NCF4: variants seen among roughly 807,000 people sequenced by gnomAD.
The protein encoded by NCF4 is neutrophil cytosol factor 4.
In NCF4, 30 loss-of-function variants were observed where a neutral mutation model predicts 41.7. The ratio of observed to expected loss-of-function variants is 0.72; its 90% CI spans 0.54 to 0.97. The LOEUF (loss-of-function observed/expected upper bound fraction) is 0.97, where lower values mean the gene tolerates loss of function less well. NCF4 is among the 50% of genes least tolerant of loss of function. NCF4 has a pLI of 0.00. For synonymous variants in NCF4, 195 were observed against 175.8 expected (o/e 1.11, Z -0.87); for missense variants, 432 against 460.9 (o/e 0.94, Z 0.57).
intron 5 of NCF4, 105 bp from the exon 6 acceptor site, chr22:36,871,547 C>T: frequency 2.3e-6 from 3 of 1,299,222 alleles, no homozygotes; most frequent in South Asian, 1.3e-5. Context: ...CTTCTGTCTC[C>T]TCTGCCTTCC....
Position 36,874,842 on chromosome 22 carries a change from G to T in NCF4, c.628-811G>T, listed in dbSNP as rs73887033. Among the ~76,000 whole-genome samples the T allele has an allele frequency of 8.3e-3, 1,267 of 152,192 alleles. 23 individuals carry two copies. The highest frequency in any genetic ancestry group is 0.029 in the African/African-American group (1,211 of 41,506). ...ACAGTTGTATCTGATGAATGAATGAGTGAGTGAGCGGGATCAGCAGCAGGC... is the reference window on the plus strand; with the variant it reads ...ACAGTTGTATCTGATGAATGAATGATTGAGTGAGCGGGATCAGCAGCAGGC... On this transcript the variant is annotated intron_variant, in intron 7 of 9. Coordinates refer to ENST00000248899, the MANE Select transcript of NCF4 (RefSeq NM_000631.5).
At chr22:36,870,219 A>G in intron 4 of NCF4, 196 bp from the exon 5 acceptor site, 1 of 758,884 alleles carries the variant, frequency 1.3e-6, no homozygotes. Context: ...TGGACCCAGG[A>G]GCAGAGCTTG....
Position 36,864,992 on chromosome 22 carries a change from C to T in NCF4, c.191C>T (p.Ala64Val), listed in dbSNP as rs1422534773. Residue 64 changes from alanine to valine, a missense_variant, in exon 3 of 10, where the codon GCT (alanine) becomes GTT (valine). By Grantham distance (64) the Ala-to-Val change is moderately conservative. Coordinates refer to ENST00000248899, the MANE Select transcript of NCF4 (RefSeq NM_000631.5). ...TACCGCCGCTACCGCCAGTTCCATG[C>T]TTTGCAGAGCAAGCTGGAGGAGCGC... ...LIYRRYRQFH[A>V]LQSKLEERFG... 2 of 1,614,150 alleles carry T rather than the reference C, an allele frequency of 1.2e-6. No individual in the cohort carries two copies. The highest frequency in any genetic ancestry group is 8.5e-7 in the Non-Finnish European group (1 of 1,180,032).
intron 8 of NCF4, 101 bp downstream of exon 8, chr22:36,875,884 GC>G: frequency 6.2e-7 from 1 of 1,614,060 alleles, no homozygotes; most frequent in Non-Finnish European, 8.5e-7. Context: ...CCACTCCAAA[GC>G]CCCCAGTGGC....
chr22:36,872,923 ACT>A (rs1940106322), intron 7 of NCF4, among the ~76,000 whole-genome samples: 4 of 73,310 alleles, frequency 5.5e-5, no homozygotes, highest in East Asian at 5.7e-4. Context: ...TGGAGGTGAG[ACT>A]GGAGGTGAGG....
chr22:36,866,900 C>T (rs1003501), intron 3 of NCF4, among the ~76,000 whole-genome samples: 4,788 of 152,190 alleles, frequency 0.031, 264 homozygotes, highest in African/African-American at 0.11. Flanking sequence ...GGTATGTGGA[C>T]GTGCCTTGAG....
At chr22:36,875,574 G>C (rs1940172677) in intron 7 of NCF4, 79 bp from the exon 8 acceptor site, 5 of 1,361,540 alleles carry the variant, frequency 3.7e-6, no homozygotes, top group Admixed American at 3.4e-5. Context: ...CCCATCACTA[G>C]AACGGGGCTG....
intron 6 of NCF4, 94 bp from the exon 7 acceptor site, chr22:36,872,233 A>C: frequency 9.9e-7 from 1 of 1,014,460 alleles, no homozygotes; most frequent in Non-Finnish European, 1.6e-6. Flanking sequence ...CAGTTTCTAC[A>C]TCTGTAAAAT....
intron 1 of NCF4, among the ~76,000 whole-genome samples, chr22:36,862,048 G>A (rs1446213866): frequency 9.2e-5 from 14 of 152,204 alleles, no homozygotes; most frequent in Non-Finnish European, 2.9e-5. Flanking sequence ...GGCCTCACCA[G>A]CATCTAGCCT....
At chr22:36,875,501 A>G in intron 7 of NCF4, 152 bp from the exon 8 acceptor site, 1 of 718,102 alleles carries the variant, frequency 1.4e-6, no homozygotes, top group Non-Finnish European at 2.4e-6. Flanking sequence ...TGACCAGCTC[A>G]GCGAACTTCC....
intron 5 of NCF4, 125 bp downstream of exon 5, chr22:36,870,667 T>C: frequency 3.0e-6 from 4 of 1,325,030 alleles, no homozygotes; most frequent in Non-Finnish European, 3.1e-6. Flanking sequence ...CACTCCAGGA[T>C]GATTTGATTT....
intron 6 of NCF4, chr22:36,872,092 CCT>C: frequency 2.8e-6 from 2 of 708,068 alleles, no homozygotes; most frequent in Non-Finnish European, 2.6e-6. Context: ...CGAACCCTTC[CCT>C]GTGTGCTCAC....
intron 7 of NCF4, among the ~76,000 whole-genome samples, chr22:36,874,673 C>T (rs565217246): frequency 6.6e-6 from 1 of 152,106 alleles, no homozygotes; most frequent in Admixed American, 6.5e-5. Context: ...CCACTTTGAG[C>T]CTTGGTTAAT....
Position 36,872,430 on chromosome 22 carries a change from G to A in NCF4, c.627+5G>A. ...ATCAACAAAGACTGGCTGGAGGTGAGTTCAGAAGTGAGGATGGAGGTGAGA... is the reference window on the plus strand; with the variant it reads ...ATCAACAAAGACTGGCTGGAGGTGAATTCAGAAGTGAGGATGGAGGTGAGA... On this transcript the variant is annotated splice_donor_5th_base_variant and intron_variant, in intron 7 of 9. Coordinates refer to ENST00000248899, the MANE Select transcript of NCF4 (RefSeq NM_000631.5). The A allele has an allele frequency of 3.1e-6, 5 of 1,589,592 alleles. No homozygotes were observed. The highest frequency in any genetic ancestry group is 4.3e-6 in the Non-Finnish European group (5 of 1,157,628).
intron 1 of NCF4, among the ~76,000 whole-genome samples, chr22:36,862,424 C>T (rs1435856981): frequency 1.3e-5 from 2 of 152,228 alleles, no homozygotes; most frequent in African/African-American, 4.8e-5. Context: ...CCTCCCCTCA[C>T]ATGCTCCTGG....
chr22:36,876,208 CT>C (rs965307379), intron 9 of NCF4, 114 bp downstream of exon 9: 13 of 1,105,488 alleles, frequency 1.2e-5, no homozygotes, highest in Non-Finnish European at 1.6e-5. Flanking sequence ...TTTGTCTTCT[CT>C]TTTTATCCGC....
chr22:36,877,598 CT>C, intron 9 of NCF4, 29 bp from the exon 10 acceptor site: 1 of 1,613,516 alleles, frequency 6.2e-7, no homozygotes, highest in Admixed American at 1.7e-5. Flanking sequence ...CGCTTAGGCC[CT>C]TTGATTATCC....
At chr22:36,868,137 A>T in intron 4 of NCF4, among the ~76,000 whole-genome samples, 1 of 152,232 alleles carries the variant, frequency 6.6e-6, no homozygotes, top group Middle Eastern at 3.2e-3. Flanking sequence ...GGAAAGGGGC[A>T]GTGTTCCTCA....
chr22:36,869,800 T>C (rs1239600988), intron 4 of NCF4, among the ~76,000 whole-genome samples: 1 of 152,200 alleles, frequency 6.6e-6, no homozygotes, highest in Non-Finnish European at 1.5e-5. Context: ...CCAGGTACTT[T>C]CCCTCTCCAA....
Sources: gnomAD v4.1 joint callset for allele counts (sites outside exome capture counted in the v4.1 genomes callset) on GRCh38, gnomAD v4.1.1 for gene constraint, MANE v1.5 for transcripts, NCBI Gene and HGNC (gene_info 2026-07-23, HGNC 2026-07-21) for gene names.